HHIPL1: variants seen among roughly 807,000 people sequenced by gnomAD.
The protein encoded by HHIPL1 is HHIP like 1.
Under a neutral mutation model 61.8 loss-of-function variants are expected in HHIPL1, and 43 were observed. The ratio of observed to expected loss-of-function variants is 0.70; its 90% CI spans 0.55 to 0.90. HHIPL1 has a LOEUF of 0.90. HHIPL1 is among the 40% of genes least tolerant of loss of function. The probability of loss-of-function intolerance (pLI) is 0.00; values close to 1 mark genes in which losing one functional copy is unlikely to be tolerated. For missense variants in HHIPL1, 1,056 were observed against 1,157.7 expected (o/e 0.91, Z 1.28); for synonymous variants, 482 against 515.8 (o/e 0.93, Z 0.89).
At chr14:99,631,362 C>T in the HHIPL1 span, among the ~76,000 whole-genome samples, 1 of 152,050 alleles carries the variant, frequency 6.6e-6, no homozygotes, top group African/African-American at 2.4e-5. Flanking sequence ...TGAGCCACCG[C>T]GCCCGGCCTG....
At chr14:99,669,391 A>T in intron 7 of HHIPL1, 2 of 948,468 alleles carry the variant, frequency 2.1e-6, no homozygotes, top group Non-Finnish European at 2.5e-6. Flanking sequence ...GCAAGGCCTG[A>T]GGTTGCACTC....
chr14:99,607,229 A>AG, the HHIPL1 span, among the ~76,000 whole-genome samples: 6 of 151,678 alleles, frequency 4.0e-5, no homozygotes, highest in Non-Finnish European at 7.4e-5. Flanking sequence ...CCATAGAGAC[A>AG]GAGTCTCACT....
intron 8 of HHIPL1, among the ~76,000 whole-genome samples, chr14:99,674,429 G>T (rs548117558): frequency 6.6e-6 from 1 of 152,106 alleles, no homozygotes; most frequent in Non-Finnish European, 1.5e-5. Context: ...CTGTGGTGGG[G>T]TATAGGGGCT....
the HHIPL1 span, among the ~76,000 whole-genome samples, chr14:99,607,503 C>T: frequency 1.3e-5 from 2 of 152,130 alleles, no homozygotes; most frequent in East Asian, 3.8e-4. Context: ...TTTAGAGCCA[C>T]ACACATTTGT....
chr14:99,617,760 C>T, the HHIPL1 span, among the ~76,000 whole-genome samples: 1 of 152,188 alleles, frequency 6.6e-6, no homozygotes, highest in African/African-American at 2.4e-5. Flanking sequence ...CAAGCCCGGG[C>T]CTGCCTGCTG....
At chr14:99,657,208 C>A in intron 3 of HHIPL1, 65 bp downstream of exon 3, 2 of 1,551,956 alleles carry the variant, frequency 1.3e-6, no homozygotes, top group South Asian at 1.2e-5. Flanking sequence ...CATACTCTTC[C>A]AGAGGGTGAG....
the HHIPL1 span, among the ~76,000 whole-genome samples, chr14:99,637,072 AAGAG>A: frequency 3.0e-5 from 3 of 100,462 alleles, no homozygotes; most frequent in African/African-American, 1.0e-4. Flanking sequence ...AAAAGAAAGA[AAGAG>A]AGAGAAAGAA....
At chr14:99,674,505 C>T (rs1319795676) in intron 8 of HHIPL1, among the ~76,000 whole-genome samples, 1 of 152,112 alleles carries the variant, frequency 6.6e-6, no homozygotes, top group Non-Finnish European at 1.5e-5. Flanking sequence ...CCGCTGGTGC[C>T]AACCTTGGGA....
the HHIPL1 span, among the ~76,000 whole-genome samples, chr14:99,611,506 G>A: frequency 1.7e-4 from 25 of 151,196 alleles, no homozygotes; most frequent in Non-Finnish European, 3.1e-4. Context: ...GGCTGGTCTC[G>A]AACTCCTGAC....
chr14:99,654,616 GAA>G (rs2055998223), intron 2 of HHIPL1, among the ~76,000 whole-genome samples: 1 of 152,226 alleles, frequency 6.6e-6, no homozygotes, highest in African/African-American at 2.4e-5. Flanking sequence ...AATTGGCAAA[GAA>G]CAGCACATTG....
Position 99,661,421 on chromosome 14 carries a change from A to AGGAAGGAAGGAAGGAAGGAAGGAAGGAAG in HHIPL1, c.1502+1016_1502+1017insGAAGGAAGGAAGGAAGGAAGGAAGGAAGG, listed in dbSNP as rs1555378192. On this transcript the variant is annotated intron_variant, in intron 5 of 8. Coordinates refer to ENST00000330710, the MANE Select transcript of HHIPL1 (RefSeq NM_001127258.3). ...AGAAAGAAAGAGAGAGAGAGAGAAA[A>AGGAAGGAAGGAAGGAAGGAAGGAAGGAAG]GAAGGAAGGAAGGAAGGAAGGAAGG... Among the ~76,000 whole-genome samples, 332 of 143,512 alleles carry AGGAAGGAAGGAAGGAAGGAAGGAAGGAAG rather than the reference A, an allele frequency of 2.3e-3. 2 individuals are homozygous for AGGAAGGAAGGAAGGAAGGAAGGAAGGAAG. Among genetic ancestry groups the AGGAAGGAAGGAAGGAAGGAAGGAAGGAAG allele is most frequent in the African/African-American group, 8.4e-3 (319 of 38,048 alleles). 94.1% of individuals were successfully genotyped at this position (143,512 alleles called of 152,430 possible).
chr14:99,675,450 G>T lies in HHIPL1; in HGVS notation c.2173G>T (p.Val725Phe), dbSNP rs764316680. The change falls in exon 9 of 9, where the codon GTC becomes TTC. Residue 725 changes from valine to phenylalanine, a missense_variant. Transcript: ENST00000330710. This position sits in a 1 kb window ranked among gnomAD's most constrained non-coding sequence, Gnocchi z 5.4. ...GGGGTTTGCCTACGCCGTGCGCGCC[G>T]TCAAGAGAGCCGAGTTCGGCCAGGG... The part of the protein sequence containing the change: ...QLGFAYAVRA[V>F]KRAEFGQGGS... The T allele has an allele frequency of 7.4e-5, 114 of 1,538,916 alleles. No homozygotes were observed. Among genetic ancestry groups the T allele is most frequent in the Non-Finnish European group, 8.9e-5 (102 of 1,145,916 alleles).
chr14:99,631,104 CTTT>C, the HHIPL1 span, among the ~76,000 whole-genome samples: 1 of 136,074 alleles, frequency 7.3e-6, no homozygotes, highest in Non-Finnish European at 1.6e-5. Flanking sequence ...TTCTTTCTTT[CTTT>C]CTCTCTCTTT....
the HHIPL1 span, among the ~76,000 whole-genome samples, chr14:99,605,370 G>C: frequency 1.5e-5 from 1 of 66,260 alleles, no homozygotes; most frequent in Non-Finnish European, 3.3e-5. Flanking sequence ...ACCGCCAGCA[G>C]GCGGGGCGGG....
Position 99,672,964 on chromosome 14 carries a change from G to A in HHIPL1, c.1813+565G>A, listed in dbSNP as rs1413987307. On this transcript the variant is annotated intron_variant, in intron 8 of 8. Coordinates refer to ENST00000330710, the MANE Select transcript of HHIPL1 (RefSeq NM_001127258.3). Reference sequence around the variant, plus strand: ...TCCCCCCATCCACTCATTCACCACGGACACGTGCCCTGCCCTGGGGATACA... The same window carrying A: ...TCCCCCCATCCACTCATTCACCACGAACACGTGCCCTGCCCTGGGGATACA... Among the ~76,000 whole-genome samples, 4 of 152,298 alleles carry A rather than the reference G, an allele frequency of 2.6e-5. 1 individual carries two copies. Among genetic ancestry groups the A allele is most frequent in the African/African-American group, 9.6e-5 (4 of 41,566 alleles).
At chr14:99,638,567 C>T in the HHIPL1 span, among the ~76,000 whole-genome samples, 4 of 152,274 alleles carry the variant, frequency 2.6e-5, no homozygotes, top group South Asian at 4.1e-4. Context: ...TGCTCCTGGA[C>T]CCCACACCCT....
chr14:99,668,198 C>T lies in HHIPL1; in HGVS notation c.1649-24C>T, dbSNP rs1328486666. ...GACGGTATTCCAGGTGGGGGTCTCACTAGTCACTTTGTTCTGTCCAAAGGG... is the reference window on the plus strand; with the variant it reads ...GACGGTATTCCAGGTGGGGGTCTCATTAGTCACTTTGTTCTGTCCAAAGGG... On this transcript the variant is annotated intron_variant, in intron 6 of 8. Coordinates refer to ENST00000330710, the MANE Select transcript of HHIPL1 (RefSeq NM_001127258.3). The surrounding 1 kb of genome is among the most constrained non-coding windows in gnomAD (Gnocchi z 4.7). 2.7e-6 allele frequency: 4 copies of T among 1,488,992 alleles called. No individual in the cohort carries two copies. The highest frequency in any genetic ancestry group is 4.5e-5 in the East Asian group (2 of 44,270). The allele number at this position is 1,488,992 out of a possible 1,614,324, so 92.2% of individuals were successfully genotyped here. A position where few individuals can be genotyped will look rare whatever the true frequency, so the allele number is the denominator to read the frequency against.
intron 6 of HHIPL1, among the ~76,000 whole-genome samples, chr14:99,664,929 T>C (rs76585300): frequency 6.6e-6 from 1 of 150,508 alleles, no homozygotes; most frequent in Non-Finnish European, 1.5e-5. Flanking sequence ...TTTTTTTTTT[T>C]CCAAGACTGA....
the HHIPL1 span, among the ~76,000 whole-genome samples, chr14:99,617,877 G>A: frequency 6.6e-6 from 1 of 152,164 alleles, no homozygotes; most frequent in Non-Finnish European, 1.5e-5. Flanking sequence ...CTGCAAGGTG[G>A]GCAGGGATGA....
Sources: allele counts gnomAD v4.1 joint callset (sites outside exome capture counted in the v4.1 genomes callset), GRCh38; gene constraint gnomAD v4.1.1; non-coding constraint Gnocchi (gnomAD v3.1); transcripts MANE v1.5; gene names NCBI Gene and HGNC (gene_info 2026-07-23, HGNC 2026-07-21).